Variants in CCDC3 observed in about 807,000 individuals in gnomAD.
The protein encoded by CCDC3 is coiled-coil domain-containing protein 3.
A neutral mutation model predicts 21.4 loss-of-function variants in CCDC3; 24 were observed. The observed-to-expected ratio is 1.12, with a 90% CI of 0.81 to 1.58. The LOEUF is 1.58. Ranked by LOEUF, CCDC3 falls within the 40% of genes most tolerant of loss-of-function variation. CCDC3 has a pLI of 0.00. For missense variants in CCDC3, 425 were observed against 360.9 expected (o/e 1.18, Z -1.44); for synonymous variants, 186 against 166.0 (o/e 1.12, Z -0.93).
At chr10:13,003,875 A>C (rs560726187), upstream of CCDC3, among the ~76,000 whole-genome samples, 261 of 152,348 alleles carry the variant, frequency 1.7e-3, 2 homozygotes, top group Middle Eastern at 0.017. Context: ...AGAAGTGAGC[A>C]CCTGCAAGAA....
upstream of CCDC3, chr10:13,099,952 A>T (rs1303996234): frequency 1.4e-5 from 2 of 147,986 alleles, no homozygotes; most frequent in Non-Finnish European, 3.0e-5. Context: ...CCGCACGGAC[A>T]GCGAGGGTGG....
chr10:12,946,770 T>G (rs748379095), intron 2 of CCDC3, among the ~76,000 whole-genome samples: 5 of 152,222 alleles, frequency 3.3e-5, no homozygotes, highest in Non-Finnish European at 5.9e-5. Context: ...CTTTCTTCAT[T>G]CTGTCTTCTG....
chr10:12,920,206 C>T (rs146401929), intron 2 of CCDC3, among the ~76,000 whole-genome samples: 13 of 152,088 alleles, frequency 8.5e-5, no homozygotes, highest in Non-Finnish European at 1.3e-4. Context: ...GCGGCAGGCA[C>T]GAGAGAATGA....
rs187309746 is a variant in CCDC3, at chr10:12,911,534, T to G, written c.550-12855A>C. Reference sequence around the variant, plus strand: ...ATTTCTTAAACCTGGTTATAAACACTGTATTTACTTTAACATTTTAAAAAT... The same window carrying G: ...ATTTCTTAAACCTGGTTATAAACACGGTATTTACTTTAACATTTTAAAAAT... On this transcript the variant is annotated intron_variant, in intron 2 of 2. Coordinates refer to ENST00000378825, the MANE Select transcript of CCDC3 (RefSeq NM_031455.4). Among the ~76,000 whole-genome samples the G allele has an allele frequency of 3.7e-4, 56 of 151,584 alleles. No individual in the cohort carries two copies. The East Asian group carries it at 0.011, about 29-fold the overall frequency.
chr10:12,971,285 G>C (rs1350281976), intron 2 of CCDC3, among the ~76,000 whole-genome samples: 2 of 152,218 alleles, frequency 1.3e-5, no homozygotes, highest in East Asian at 3.8e-4. Flanking sequence ...AACAATGCCT[G>C]GGCAGAACAT....
intron 4 of CCDC3, among the ~76,000 whole-genome samples, chr10:13,065,582 G>T (rs554276025): frequency 6.6e-6 from 1 of 152,090 alleles, no homozygotes; most frequent in Admixed American, 6.5e-5. Flanking sequence ...TAATAATTAC[G>T]ATATGAAGCT....
intron 2 of CCDC3, among the ~76,000 whole-genome samples, chr10:12,997,467 G>GGA (rs1439089870): frequency 6.6e-6 from 1 of 152,202 alleles, no homozygotes; most frequent in Non-Finnish European, 1.5e-5. Flanking sequence ...CTCCAACTCT[G>GGA]GCATTTGGCC....
intron 2 of CCDC3, among the ~76,000 whole-genome samples, chr10:12,942,146 T>C (rs946936634): frequency 6.6e-6 from 1 of 152,198 alleles, no homozygotes; most frequent in Non-Finnish European, 1.5e-5. Flanking sequence ...TTAAGGGAGA[T>C]GACTCATCAG....
intron 2 of CCDC3, among the ~76,000 whole-genome samples, chr10:12,924,344 A>G (rs1392963281): frequency 6.6e-6 from 1 of 152,242 alleles, no homozygotes; most frequent in East Asian, 1.9e-4. Context: ...GCTTTTGAGC[A>G]GAAATGGGCT....
intron 2 of CCDC3, among the ~76,000 whole-genome samples, chr10:12,914,963 G>A (rs1834328035): frequency 6.6e-6 from 1 of 151,926 alleles, no homozygotes; most frequent in Non-Finnish European, 1.5e-5. Context: ...TTTGATGCAG[G>A]CATTTATTGT....
chr10:12,926,410 C>T (rs1834540549), intron 2 of CCDC3, among the ~76,000 whole-genome samples: 1 of 152,164 alleles, frequency 6.6e-6, no homozygotes, highest in Non-Finnish European at 1.5e-5. Context: ...TCAGGGCTGG[C>T]ATGGTGCCCA....
intron 2 of CCDC3, among the ~76,000 whole-genome samples, chr10:12,966,959 A>C (rs10906273): frequency 0.3 from 45,537 of 152,032 alleles, 7,506 homozygotes; most frequent in Middle Eastern, 0.41. Flanking sequence ...TTTTAAACGA[A>C]CTGTCCAGGG....
chr10:12,943,126 A>G (rs909672943), intron 2 of CCDC3, among the ~76,000 whole-genome samples: 35 of 152,230 alleles, frequency 2.3e-4, no homozygotes, highest in African/African-American at 8.4e-4. Context: ...ATATAAATTA[A>G]GTACTCCTTA....
In CCDC3 at chr10:12,898,481, C is replaced by T. The variant is rs1834042570; in HGVS notation, c.748G>A (p.Ala250Thr). Residue 250 changes from alanine (A) to threonine (T), a missense_variant, in exon 3 of 3, where the codon GCG becomes ACG. Physicochemically the swap from Ala to Thr is moderately conservative, Grantham distance 58 (BLOSUM62 0). Transcript: ENST00000378825. The stretch of plus-strand genomic sequence containing the variant: ...TTGATGTGCGGCAGCGCGCCCGCCG[C>T]CAGCTTCTCACTGAGTTTCTGGTTC... ...LANQKLSEKL[A>T]AGALPHINAR... The T allele has an allele frequency of 6.2e-7, 1 of 1,613,428 alleles. No individual in the cohort carries two copies. The highest frequency in any genetic ancestry group is 2.2e-5 in the East Asian group (1 of 44,878).
chr10:12,933,802 T>C (rs1394073408), intron 2 of CCDC3, among the ~76,000 whole-genome samples: 1 of 152,172 alleles, frequency 6.6e-6, no homozygotes, highest in Non-Finnish European at 1.5e-5. Context: ...GGATCTGTAG[T>C]GATGGCCCCT....
At chr10:12,908,618 T>TC (rs1040313368) in intron 2 of CCDC3, among the ~76,000 whole-genome samples, 22 of 151,554 alleles carry the variant, frequency 1.5e-4, no homozygotes, top group Non-Finnish European at 2.7e-4. Flanking sequence ...TTTTCTTTTT[T>TC]TTTTTTTTTG....
chr10:13,007,338 G>A (rs1363008553), intron 5 of CCDC3, among the ~76,000 whole-genome samples: 1 of 152,110 alleles, frequency 6.6e-6, no homozygotes, highest in Non-Finnish European at 1.5e-5. Flanking sequence ...AGCCAGCATG[G>A]AATTCCTTCA....
intron 4 of CCDC3, among the ~76,000 whole-genome samples, chr10:13,064,786 TAATA>T (rs202197429): frequency 0.014 from 2,073 of 152,206 alleles, 48 homozygotes; most frequent in African/African-American, 0.047. Flanking sequence ...AGACTCTGTC[TAATA>T]AATAAATAAA....
At chr10:12,951,225 A>C (rs1284261226) in intron 2 of CCDC3, among the ~76,000 whole-genome samples, 1 of 151,730 alleles carries the variant, frequency 6.6e-6, no homozygotes, top group Non-Finnish European at 1.5e-5. Context: ...AATTTTTTTT[A>C]ATTAGCTGGA....
Sources: allele counts gnomAD v4.1 joint callset (sites outside exome capture counted in the v4.1 genomes callset), GRCh38; gene constraint gnomAD v4.1.1; transcripts MANE v1.5; gene names NCBI Gene and HGNC (gene_info 2026-07-23, HGNC 2026-07-21).